The following VWA3B variants were observed in gnomAD, a reference collection of about 807,000 sequenced individuals.
VWA3B encodes the protein von Willebrand factor A domain containing 3B.
In VWA3B, 138 loss-of-function variants were observed where a neutral mutation model predicts 158.3. That is an observed-to-expected ratio of 0.87 (90% CI 0.76 to 1.00). VWA3B has a LOEUF of 1.00. Among genes scored for constraint, VWA3B ranks in the 50% least tolerant of loss-of-function variants. VWA3B has a pLI of 0.00. For synonymous variants in VWA3B, 596 were observed against 587.3 expected, an observed-to-expected ratio of 1.01 and a Z score of -0.21; for missense variants, 1,555 against 1,565.1, an observed-to-expected ratio of 0.99 and a Z score of 0.11.
intron 7 of VWA3B, 44 bp downstream of exon 7, chr2:98,133,983 A>T: frequency 6.6e-7 from 1 of 1,519,440 alleles, no homozygotes; most frequent in South Asian, 1.1e-5. Context: ...TGTCCCGAAT[A>T]GCCTCAGACG....
chr2:98,211,054 C>A (rs1683465672), intron 12 of VWA3B, among the ~76,000 whole-genome samples: 1 of 152,200 alleles, frequency 6.6e-6, no homozygotes, highest in Admixed American at 6.5e-5. Context: ...TGCAGCGGGG[C>A]CCCCACCAGG....
chr2:98,267,368 T>C (rs1358714157), intron 21 of VWA3B, among the ~76,000 whole-genome samples: 2 of 152,132 alleles, frequency 1.3e-5, no homozygotes, highest in East Asian at 3.8e-4. Flanking sequence ...TTGCATATAT[T>C]GAACCAGCCT....
At chr2:98,241,577 C>T (rs1686075855) in intron 19 of VWA3B, among the ~76,000 whole-genome samples, 2 of 151,742 alleles carry the variant, frequency 1.3e-5, no homozygotes, top group African/African-American at 2.4e-5. Flanking sequence ...AGAAAAATGC[C>T]AAGAGTGATT....
chr2:98,103,048 T>A (rs753296571), intron 2 of VWA3B, among the ~76,000 whole-genome samples: 2 of 152,244 alleles, frequency 1.3e-5, no homozygotes, highest in Non-Finnish European at 2.9e-5. Flanking sequence ...TTGATCATAA[T>A]ATGCCCTTAA....
chr2:98,326,740 G>C, the VWA3B span, among the ~76,000 whole-genome samples: 2 of 151,906 alleles, frequency 1.3e-5, no homozygotes, highest in Non-Finnish European at 2.9e-5. Context: ...CTGGGCAACA[G>C]AGTGAGACCC....
intron 22 of VWA3B, among the ~76,000 whole-genome samples, chr2:98,271,378 G>A (rs62157898): frequency 0.039 from 5,912 of 152,184 alleles, 168 homozygotes; most frequent in Middle Eastern, 0.075. Flanking sequence ...TCATTAATAA[G>A]GCAAACCTTC....
At position 98,192,919 on chromosome 2, in the gene VWA3B, G is replaced by A. The variant is rs1415026048; in HGVS notation, c.1488G>A (p.Gly496=). The A allele has an allele frequency of 2.5e-6, 4 of 1,614,068 alleles. No individual in the cohort carries two copies. The highest frequency in any genetic ancestry group is 3.3e-5 in the Admixed American group (2 of 60,008). ...IRRRIKWLQD[G]SQSLFGRLHN... ...CTAGGATTAAATGGCTACAGGATGG[G>A]AGTCAAAGCCTCTTTGGAAGATTGC... The change falls in exon 11 of 28, where the codon GGG becomes GGA. Residue 496 remains glycine (G), a synonymous_variant. Coordinates refer to ENST00000477737, the MANE Select transcript of VWA3B (RefSeq NM_144992.5).
At chr2:98,198,862 G>A (rs1201595339) in intron 12 of VWA3B, among the ~76,000 whole-genome samples, 7 of 152,040 alleles carry the variant, frequency 4.6e-5, no homozygotes, top group Admixed American at 2.0e-4. Flanking sequence ...CGAGGCAGGC[G>A]GATCATGAGG....
intron 5 of VWA3B, 171 bp from the exon 6 acceptor site, chr2:98,128,068 T>C: frequency 1.4e-6 from 1 of 702,992 alleles, no homozygotes; most frequent in Non-Finnish European, 2.4e-6. Flanking sequence ...AAGCCTTGAA[T>C]ATCTCACTTC....
intron 14 of VWA3B, among the ~76,000 whole-genome samples, chr2:98,225,113 T>C (rs949959216): frequency 6.6e-6 from 1 of 152,222 alleles, no homozygotes; most frequent in African/African-American, 2.4e-5. Flanking sequence ...TTTGTATTTT[T>C]AATAGAGACG....
chr2:98,295,293 A>G (rs552322753), intron 23 of VWA3B, among the ~76,000 whole-genome samples: 1 of 152,202 alleles, frequency 6.6e-6, no homozygotes, highest in Non-Finnish European at 1.5e-5. Flanking sequence ...TTAGAGCCAA[A>G]GGTTTAAAAA....
At chr2:98,149,069 GTTTTGCT>G (rs1677404013) in intron 7 of VWA3B, among the ~76,000 whole-genome samples, 1 of 152,028 alleles carries the variant, frequency 6.6e-6, no homozygotes, top group Non-Finnish European at 1.5e-5. Context: ...AGCTTTTTGG[GTTTTGCT>G]CCAAATACAT....
At chr2:98,229,873 C>A (rs1685207735) in intron 15 of VWA3B, among the ~76,000 whole-genome samples, 177 bp from the exon 16 acceptor site, 1 of 152,214 alleles carries the variant, frequency 6.6e-6, no homozygotes, top group Non-Finnish European at 1.5e-5. Context: ...CCCCTCTCCA[C>A]TCTTCTGCAT....
chr2:98,267,057 G>T (rs2105871976), intron 21 of VWA3B, among the ~76,000 whole-genome samples: 1 of 151,854 alleles, frequency 6.6e-6, no homozygotes, highest in Admixed American at 6.6e-5. Flanking sequence ...CTACCTGATT[G>T]CCCTGGCCAG....
At chr2:98,139,504 T>C (rs1676574192) in intron 7 of VWA3B, among the ~76,000 whole-genome samples, 1 of 152,164 alleles carries the variant, frequency 6.6e-6, no homozygotes, top group African/African-American at 2.4e-5. Flanking sequence ...TATGTCTAGC[T>C]CAGGGATTGT....
intron 22 of VWA3B, 81 bp from the exon 23 acceptor site, chr2:98,290,430 C>A: frequency 9.4e-7 from 1 of 1,067,074 alleles, no homozygotes; most frequent in Non-Finnish European, 1.4e-6. Flanking sequence ...CAAACCATAT[C>A]ACTAGGCTAC....
intron 23 of VWA3B, among the ~76,000 whole-genome samples, chr2:98,297,415 T>C (rs1445746847): frequency 6.6e-6 from 1 of 152,190 alleles, no homozygotes; most frequent in African/African-American, 2.4e-5. Context: ...TTCAGCTGTA[T>C]ATTTTGGGGA....
intron 19 of VWA3B, among the ~76,000 whole-genome samples, chr2:98,238,532 T>A (rs116346872): frequency 2.9e-3 from 443 of 152,298 alleles, no homozygotes; most frequent in African/African-American, 9.7e-3. Flanking sequence ...TTATGCCTCC[T>A]TCTAAATGTC....
At chr2:98,227,288 A>G (rs576342145) in intron 14 of VWA3B, among the ~76,000 whole-genome samples, 1 of 152,304 alleles carries the variant, frequency 6.6e-6, no homozygotes, top group East Asian at 1.9e-4. Context: ...ATGAACTCCC[A>G]TTCACAATTG....
Sources: allele counts gnomAD v4.1 joint callset (sites outside exome capture counted in the v4.1 genomes callset), GRCh38; gene constraint gnomAD v4.1.1; transcripts MANE v1.5; gene names NCBI Gene and HGNC (gene_info 2026-07-23, HGNC 2026-07-21).